Variants in SPHK2 observed in about 807,000 individuals in gnomAD.
SPHK2 encodes sphingosine kinase 2.
A neutral mutation model predicts 32.3 loss-of-function variants in SPHK2; 18 were observed. That is an observed-to-expected ratio of 0.56 (90% CI 0.39 to 0.83). The LOEUF is 0.83. Among genes scored for constraint, SPHK2 ranks in the 40% least tolerant of loss-of-function variants. The probability of loss-of-function intolerance (pLI) is 0.00; values close to 1 mark genes in which losing one functional copy is unlikely to be tolerated. For missense variants in SPHK2, 850 were observed against 908.7 expected (o/e 0.94, Z 0.83); for synonymous variants, 462 against 417.6 (o/e 1.11, Z -1.30).
chr19:48,626,333 T>C lies in SPHK2; in HGVS notation c.482T>C (p.Leu161Pro), dbSNP rs1485691464. ...TGGGCCACTGCCCTCACCTGTCTGC[T>C]CCGAGGACTGCCACTGCCCGGGGAT... ...QRWATALTCLLRGLPLPGDGE... is the reference protein window; with the variant it reads ...QRWATALTCLPRGLPLPGDGE... The change falls in exon 3 of 7, where the codon CTC (leucine) becomes CCC (proline). Residue 161 changes from leucine to proline, a missense_variant. Leu to Pro is a moderately conservative substitution (Grantham distance 98). Coordinates refer to ENST00000245222, the MANE Select transcript of SPHK2 (RefSeq NM_020126.5). 6.3e-7 allele frequency: 1 copy of C among 1,593,370 alleles called. No homozygotes were observed. Among genetic ancestry groups the C allele is most frequent in the African/African-American group, 1.3e-5 (1 of 74,738 alleles).
At chr19:48,624,793 G>A (rs1049393356) in intron 2 of SPHK2, 17 of 592,688 alleles carry the variant, frequency 2.9e-5, no homozygotes, top group Non-Finnish European at 3.6e-5. Context: ...GTTTGGGGGT[G>A]AAGCAGACGT....
Position 48,625,886 on chromosome 19 carries a change from C to T in SPHK2, c.40-5C>T. The T allele has an allele frequency of 3.7e-6, 6 of 1,611,200 alleles. 1 individual carries two copies. The highest frequency in any genetic ancestry group is 5.1e-6 in the Non-Finnish European group (6 of 1,179,696). On this transcript the variant is annotated splice_polypyrimidine_tract_variant and splice_region_variant and intron_variant, in intron 2 of 6. Coordinates refer to ENST00000245222, the MANE Select transcript of SPHK2 (RefSeq NM_020126.5). ...TCTCACCCCTTCTCTCCTCCCTTCC[C>T]ACAGAGGCCAGACCAGGAGCTGACC...
At chr19:48,625,407 GGTGTCGGGGAGGT>G in intron 2 of SPHK2, 1 of 1,179,570 alleles carries the variant, frequency 8.5e-7, no homozygotes, top group South Asian at 1.6e-5. Context: ...GGGGGGTGGG[GGTGTCGGGGAGGT>G]GTGTCTTTCA....
Position 48,630,180 on chromosome 19 carries a change from G to A in SPHK2, c.*407G>A, listed in dbSNP as rs2030486019. 1 of 1,245,928 alleles carries A rather than the reference G, an allele frequency of 8.0e-7. No individual in the cohort carries two copies. Among genetic ancestry groups the A allele is most frequent in the East Asian group, 3.2e-5 (1 of 30,786 alleles). The allele number at this position is 1,245,928 out of a possible 1,614,324, so 77.2% of individuals were successfully genotyped here. On this transcript the variant is annotated 3_prime_UTR_variant, in exon 7 of 7. Transcript: ENST00000245222. The surrounding 1 kb of genome is among the most constrained non-coding windows in gnomAD (Gnocchi z 4.9). Reference sequence around the variant, plus strand: ...TCAGTGAGTCGGCCGGTCAGGGCCCGCAGCCTCGCCCCATCCACTCCGGTG... The same window carrying A: ...TCAGTGAGTCGGCCGGTCAGGGCCCACAGCCTCGCCCCATCCACTCCGGTG...
At chr19:48,625,746 C>A in intron 2 of SPHK2, 145 bp from the exon 3 acceptor site, 2 of 1,535,460 alleles carry the variant, frequency 1.3e-6, no homozygotes, top group Middle Eastern at 1.7e-4. Context: ...GGTCTGCCCA[C>A]ACCTGTCTGA....
chr19:48,621,838 T>G (rs1021716509), intron 2 of SPHK2, among the ~76,000 whole-genome samples: 1 of 152,198 alleles, frequency 6.6e-6, no homozygotes, highest in Non-Finnish European at 1.5e-5. Flanking sequence ...GGACTTGAGT[T>G]TATCCTGTCT....
Position 48,626,377 on chromosome 19 carries a change from A to G in SPHK2, c.511+15A>G. On this transcript the variant is annotated intron_variant, in intron 3 of 6. Coordinates refer to ENST00000245222, the MANE Select transcript of SPHK2 (RefSeq NM_020126.5). ...CGGGGATGGGGGTGAGGTGCTGGGC[A>G]GCTGCTCTATCCTGGAGCCACCTTG... The G allele has an allele frequency of 6.4e-7, 1 of 1,557,898 alleles. No individual in the cohort carries two copies. The highest frequency in any genetic ancestry group is 1.2e-5 in the South Asian group (1 of 84,792).
chr19:48,624,034 A>G (rs983042991), intron 2 of SPHK2: 2 of 152,110 alleles, frequency 1.3e-5, no homozygotes, highest in Non-Finnish European at 2.9e-5. Context: ...CGCGTGTTAG[A>G]GTCTCTGTCT....
At chr19:48,621,859 C>T (rs1322193525) in intron 2 of SPHK2, among the ~76,000 whole-genome samples, 2 of 152,126 alleles carry the variant, frequency 1.3e-5, no homozygotes, top group Non-Finnish European at 2.9e-5. Flanking sequence ...AGTGACCTTG[C>T]AGCTGCACAG....
At chr19:48,625,825 C>G in intron 2 of SPHK2, 66 bp from the exon 3 acceptor site, 2 of 1,563,290 alleles carry the variant, frequency 1.3e-6, no homozygotes, top group South Asian at 1.2e-5. Flanking sequence ...GTCCACAGCC[C>G]CTGCCCCTCC....
At chr19:48,620,920 CAAA>C (rs761243344) in intron 2 of SPHK2, 3 of 122,062 alleles carry the variant, frequency 2.5e-5, no homozygotes, top group South Asian at 1.8e-4. Context: ...GACTCCGTCT[CAAA>C]AAAAAAAAAG....
chr19:48,622,868 C>T (rs1365604788), intron 2 of SPHK2, among the ~76,000 whole-genome samples: 2 of 146,650 alleles, frequency 1.4e-5, no homozygotes, highest in South Asian at 4.3e-4. Flanking sequence ...TGGGTTCAAG[C>T]GATCTCCTGC....
chr19:48,629,398 C>T lies in SPHK2; in HGVS notation c.1590C>T (p.Asp530=). 8 of 1,611,648 alleles carry T rather than the reference C, an allele frequency of 5.0e-6. No homozygotes were observed. Among genetic ancestry groups the T allele is most frequent in the Non-Finnish European group, 5.9e-6 (7 of 1,179,450 alleles). The change falls in exon 7 of 7, where the codon GAC becomes GAT. Residue 530 remains aspartate (D), a synonymous_variant. Transcript: ENST00000245222. ...CGCTGGGCACCCCGCTGCCCCCAGA[C>T]TGGGTGACGCTGGAGGGGGACTTTG... ...LPPLGTPLPP[D]WVTLEGDFVL...
Position 48,628,870 on chromosome 19 carries a change from C to A in SPHK2, c.1062C>A (p.Gly354=). ...AGAGCGAGCGCTTCAGGGCCTTGGG[C>A]AGTGCCCGCTTCACACTGGGCACGG... The part of the protein sequence containing the change: ...DIQSERFRAL[G]SARFTLGTVL... Residue 354 remains glycine, a synonymous_variant, in exon 7 of 7, where the codon GGC becomes GGA. Coordinates refer to ENST00000245222, the MANE Select transcript of SPHK2 (RefSeq NM_020126.5). This position sits in a 1 kb window ranked among gnomAD's most constrained non-coding sequence, Gnocchi z 5.2. 1 of 1,613,744 alleles carries A rather than the reference C, an allele frequency of 6.2e-7. No homozygotes were observed. Among genetic ancestry groups the A allele is most frequent in the Non-Finnish European group, 8.5e-7 (1 of 1,180,020 alleles).
At chr19:48,626,634 G>C in intron 3 of SPHK2, 1 of 381,920 alleles carries the variant, frequency 2.6e-6, no homozygotes, top group Non-Finnish European at 4.7e-6. Flanking sequence ...GGCTAACATG[G>C]TGAAACCCCA....
chr19:48,622,229 A>T (rs1228600613), intron 2 of SPHK2, among the ~76,000 whole-genome samples: 1 of 150,078 alleles, frequency 6.7e-6, no homozygotes, highest in Non-Finnish European at 1.5e-5. Context: ...ACTGCACTCC[A>T]GCCTGGGCGA....
intron 2 of SPHK2, chr19:48,624,817 G>A: frequency 3.6e-6 from 3 of 837,224 alleles, no homozygotes; most frequent in Non-Finnish European, 4.3e-6. Context: ...GGACCCGAGA[G>A]AGCCGCTGGG....
intron 2 of SPHK2, among the ~76,000 whole-genome samples, chr19:48,622,287 G>A (rs1568428640): frequency 6.6e-6 from 1 of 150,972 alleles, no homozygotes; most frequent in African/African-American, 2.4e-5. Flanking sequence ...AAAAAATAAA[G>A]GACTCAATCT....
rs376017735 is a variant in SPHK2, at chr19:48,620,610, C to A, written c.39+57C>A. On this transcript the variant is annotated intron_variant, in intron 2 of 6. Coordinates refer to ENST00000245222, the MANE Select transcript of SPHK2 (RefSeq NM_020126.5). ...TACTGTGGAAAGACAAAATCTGAAG[C>A]TTTTCTTTAAAAAAAAAAAAAAAAA... 332 of 1,265,790 alleles carry A rather than the reference C, an allele frequency of 2.6e-4. 2 individuals carry two copies. In the African/African-American group the frequency reaches 4.5e-3, roughly 17 times the overall value. 78.4% of individuals were successfully genotyped at this position (1,265,790 alleles called of 1,614,324 possible). A position where few individuals can be genotyped will look rare whatever the true frequency, so the allele number is the denominator to read the frequency against.
Sources: gnomAD v4.1 joint callset for allele counts (sites outside exome capture counted in the v4.1 genomes callset) on GRCh38, gnomAD v4.1.1 for gene constraint, Gnocchi (gnomAD v3.1) non-coding constraint, MANE v1.5 for transcripts, NCBI Gene and HGNC (gene_info 2026-07-23, HGNC 2026-07-21) for gene names.